Variants in ZFYVE1 observed in about 807,000 individuals in gnomAD.
ZFYVE1 encodes the protein zinc finger FYVE domain-containing protein 1.
In ZFYVE1, 30 loss-of-function variants were observed where a neutral mutation model predicts 74.4. The observed-to-expected ratio is 0.40, with a 90% CI of 0.30 to 0.55. ZFYVE1 has a LOEUF of 0.55. Among genes scored for constraint, ZFYVE1 ranks in the 20% least tolerant of loss-of-function variants. The pLI, the probability that ZFYVE1 is intolerant of heterozygous loss-of-function variation, is 0.42. For synonymous variants in ZFYVE1, 335 were observed against 385.1 expected (o/e 0.87, Z 1.52); for missense variants, 703 against 1,011.6 (o/e 0.69, Z 4.14).
chr14:73,019,723 G>A (rs577855625), intron 2 of ZFYVE1, among the ~76,000 whole-genome samples: 1 of 152,204 alleles, frequency 6.6e-6, no homozygotes, highest in Admixed American at 6.5e-5. Context: ...GGAGGCCAAG[G>A]CAGGTGGATC....
rs779617465 is a variant in ZFYVE1 at position 72,993,358 on chromosome 14, C to A, written c.989-1G>T. 1.9e-6 allele frequency: 3 copies of A among 1,607,306 alleles called. No individual in the cohort carries two copies. In the South Asian group the frequency reaches 3.3e-5, roughly 18 times the overall value. On this transcript the variant is annotated splice_acceptor_variant, in intron 3 of 11. Coordinates refer to ENST00000556143, the MANE Select transcript of ZFYVE1 (RefSeq NM_021260.4). LOFTEE classifies it high-confidence loss of function. The stretch of plus-strand genomic sequence containing the variant: ...TTCTCTGGCACCTCTGAGGGATGAT[C>A]TATACAAGCAGAAACACAGGCACAT...
chr14:72,984,436 G>T (rs1206311864), intron 4 of ZFYVE1, among the ~76,000 whole-genome samples: 2 of 152,000 alleles, frequency 1.3e-5, no homozygotes, highest in African/African-American at 4.8e-5. Context: ...GACTGAGGCA[G>T]GAGAATCATT....
chr14:72,975,906 T>TTGA lies in ZFYVE1; in HGVS notation c.1636-188_1636-186dup, dbSNP rs112686279. On this transcript the variant is annotated intron_variant, in intron 8 of 11. Coordinates refer to ENST00000556143, the MANE Select transcript of ZFYVE1 (RefSeq NM_021260.4). The surrounding 1 kb of genome is among the most constrained non-coding windows in gnomAD (Gnocchi z 4.1). ...ATTCTCTTCAAAGTGACCATAAGAC[T>TTGA]TGATGTGTAGCTGTTCAATTCAGGA... 54,074 of 650,448 alleles carry TTGA rather than the reference T, an allele frequency of 0.083. 2,964 individuals are homozygous for TTGA. Among genetic ancestry groups the TTGA allele is most frequent in the South Asian group, 0.18 (9,161 of 49,722 alleles). 40.3% of individuals were successfully genotyped at this position (650,448 alleles called of 1,614,324 possible).
At chr14:72,994,688 C>A (rs1893704676) in intron 3 of ZFYVE1, among the ~76,000 whole-genome samples, 2 of 152,160 alleles carry the variant, frequency 1.3e-5, no homozygotes, top group African/African-American at 2.4e-5. Context: ...CCGAAAGTAA[C>A]CACAGCTCAA....
intron 3 of ZFYVE1, 101 bp from the exon 4 acceptor site, chr14:72,993,458 T>C: frequency 9.2e-7 from 1 of 1,086,660 alleles, no homozygotes; most frequent in South Asian, 1.8e-5. Flanking sequence ...ACCCTAGCAC[T>C]TTGGGAGGCC....
At chr14:73,010,840 T>C (rs552720161) in intron 2 of ZFYVE1, among the ~76,000 whole-genome samples, 45 of 150,802 alleles carry the variant, frequency 3.0e-4, no homozygotes, top group African/African-American at 1.1e-3. Context: ...GTTGGACTCT[T>C]ACATTTCATT....
intron 6 of ZFYVE1, 34 bp downstream of exon 6, chr14:72,978,827 G>A (rs749337590): frequency 2.8e-5 from 44 of 1,574,384 alleles, no homozygotes; most frequent in South Asian, 8.9e-5. Flanking sequence ...CAGCAAGCCC[G>A]CTGCTGACAC....
chr14:72,993,494 G>C (rs1893672591), intron 3 of ZFYVE1, 137 bp from the exon 4 acceptor site: 1 of 682,644 alleles, frequency 1.5e-6, no homozygotes, highest in African/African-American at 1.8e-5. Context: ...CCCGAGGTCA[G>C]GAGTTCAGCC....
At chr14:73,012,393 G>A (rs1393985562) in intron 2 of ZFYVE1, among the ~76,000 whole-genome samples, 2 of 151,964 alleles carry the variant, frequency 1.3e-5, no homozygotes, top group Non-Finnish European at 2.9e-5. Context: ...AGGCTGAGGC[G>A]GGTGGATCAC....
intron 4 of ZFYVE1, among the ~76,000 whole-genome samples, chr14:72,990,643 G>T (rs1400609199): frequency 6.9e-6 from 1 of 143,996 alleles, no homozygotes; most frequent in Admixed American, 7.2e-5. Flanking sequence ...TGATCCATCT[G>T]CCTCCTGAAG....
At chr14:73,014,524 TC>T (rs1239770406) in intron 2 of ZFYVE1, among the ~76,000 whole-genome samples, 3 of 152,208 alleles carry the variant, frequency 2.0e-5, no homozygotes, top group African/African-American at 7.2e-5. Context: ...TTTTGACAGC[TC>T]CTACGAAGAT....
Position 72,978,350 on chromosome 14 carries a change from C to T in ZFYVE1, c.1420-116G>A, listed in dbSNP as rs950158654. 1.9e-5 allele frequency: 17 copies of T among 915,124 alleles called. 1 individual carries two copies. Among genetic ancestry groups the T allele is most frequent in the African/African-American group, 3.3e-5 (2 of 60,132 alleles). 56.7% of individuals were successfully genotyped at this position (915,124 alleles called of 1,614,324 possible). On this transcript the variant is annotated intron_variant, in intron 6 of 11. Transcript: ENST00000556143. ...AACTCCTGGGCTCAAGCAATCTGCCCGATCTCAGGAGTTCGAGATCAGCCT... is the reference window on the plus strand; with the variant it reads ...AACTCCTGGGCTCAAGCAATCTGCCTGATCTCAGGAGTTCGAGATCAGCCT...
rs1426096178 is a variant in ZFYVE1 at position 73,023,301 on chromosome 14, T to C, written c.483+725A>G. The stretch of plus-strand genomic sequence containing the variant: ...TTATATATGTTTTATATATAATATA[T>C]ATTATATATGTTTTATATATAATAT... On this transcript the variant is annotated intron_variant, in intron 2 of 11. Coordinates refer to ENST00000556143, the MANE Select transcript of ZFYVE1 (RefSeq NM_021260.4). 1.6e-4 allele frequency among the ~76,000 whole-genome samples: 19 copies of C among 119,852 alleles called. 1 individual carries two copies. Among genetic ancestry groups the C allele is most frequent in the African/African-American group, 6.6e-4 (19 of 28,978 alleles). The allele number at this position is 119,852 out of a possible 152,430, so 78.6% of individuals were successfully genotyped here.
intron 2 of ZFYVE1, among the ~76,000 whole-genome samples, chr14:73,019,277 G>A (rs1450587899): frequency 6.6e-6 from 1 of 152,084 alleles, no homozygotes; most frequent in Non-Finnish European, 1.5e-5. Context: ...GCCTACAGGT[G>A]CTAAAATAAC....
chr14:73,001,159 T>A (rs1257236622), intron 2 of ZFYVE1, among the ~76,000 whole-genome samples: 1 of 151,792 alleles, frequency 6.6e-6, no homozygotes, highest in African/African-American at 2.4e-5. Flanking sequence ...AAGTAATATC[T>A]ACTGACCTAG....
At chr14:73,010,912 G>A (rs902737098) in intron 2 of ZFYVE1, among the ~76,000 whole-genome samples, 4 of 151,496 alleles carry the variant, frequency 2.6e-5, no homozygotes, top group Non-Finnish European at 5.9e-5. Flanking sequence ...GTGTTACGTG[G>A]ATACTGCATG....
rs375102796 is a variant in ZFYVE1 at position 72,993,222 on chromosome 14, C to T, written c.1124G>A (p.Arg375Gln). 9.3e-6 allele frequency: 15 copies of T among 1,613,606 alleles called. No homozygotes were observed. In the African/African-American group the frequency reaches 1.3e-4, roughly 14 times the overall value. Residue 375 changes from arginine to glutamine, a missense_variant, in exon 4 of 12, where the codon CGG becomes CAG. Coordinates refer to ENST00000556143, the MANE Select transcript of ZFYVE1 (RefSeq NM_021260.4). The stretch of plus-strand genomic sequence containing the variant: ...CTCTAGTAGCTGCTCCAAAGCACGC[C>T]GAAGCCCAGAAAAGTCCGTGGGAGG... Reference protein sequence around the residue: ...YNPPTDFSGLRRALEQLLENN... With the variant: ...YNPPTDFSGLQRALEQLLENN...
chr14:73,010,985 T>C lies in ZFYVE1; in HGVS notation c.484-12670A>G, dbSNP rs146660335. ...AATAACGTATAGATACTACTATAAA[T>C]TCATTTTACAAAGGAACAAAAACCA... On this transcript the variant is annotated intron_variant, in intron 2 of 11. Coordinates refer to ENST00000556143, the MANE Select transcript of ZFYVE1 (RefSeq NM_021260.4). 2.0e-3 allele frequency among the ~76,000 whole-genome samples: 300 copies of C among 151,974 alleles called. 1 individual carries two copies. The highest frequency in any genetic ancestry group is 7.1e-3 in the African/African-American group (293 of 41,512).
intron 2 of ZFYVE1, among the ~76,000 whole-genome samples, chr14:73,001,303 A>G (rs2140370754): frequency 1.3e-5 from 2 of 152,316 alleles, no homozygotes; most frequent in South Asian, 4.1e-4. Context: ...TGTGTCCTGA[A>G]TCATTTCAAT....
Sources: gnomAD v4.1 joint callset for allele counts (sites outside exome capture counted in the v4.1 genomes callset) on GRCh38, gnomAD v4.1.1 for gene constraint, Gnocchi (gnomAD v3.1) non-coding constraint, MANE v1.5 for transcripts, NCBI Gene and HGNC (gene_info 2026-07-23, HGNC 2026-07-21) for gene names.